YIPF4: variants seen among roughly 807,000 people sequenced by gnomAD.
YIPF4 encodes the protein Yip1 domain family member 4, also known as protein YIPF4.
Under a neutral mutation model 29.4 loss-of-function variants are expected in YIPF4, and 18 were observed. That is an observed-to-expected ratio of 0.61 (90% CI 0.42 to 0.91). The LOEUF (loss-of-function observed/expected upper bound fraction) is 0.91. YIPF4 is among the 40% of genes least tolerant of loss of function. YIPF4 has a pLI of 0.00. For missense variants in YIPF4, 279 were observed against 282.7 expected, an observed-to-expected ratio of 0.99 and a Z score of 0.09; for synonymous variants, 115 against 104.7, an observed-to-expected ratio of 1.10 and a Z score of -0.60.
intron 1 of YIPF4, among the ~76,000 whole-genome samples, chr2:32,281,594 A>G (rs1409174325): frequency 6.6e-6 from 1 of 152,102 alleles, no homozygotes; most frequent in African/African-American, 2.4e-5. Flanking sequence ...TGTATTCTAT[A>G]AAGAAACTGA....
chr2:32,283,437 C>A (rs767317969), intron 1 of YIPF4, among the ~76,000 whole-genome samples: 27 of 152,100 alleles, frequency 1.8e-4, no homozygotes, highest in Non-Finnish European at 3.2e-4. Context: ...ACTATTTCTC[C>A]ACACATACCC....
At position 32,306,222 on chromosome 2, in the gene YIPF4, T is replaced by C. The variant is rs1299094619; in HGVS notation, c.*596T>C. 2 of 906,986 alleles carry C rather than the reference T, an allele frequency of 2.2e-6. No individual in the cohort carries two copies. The highest frequency in any genetic ancestry group is 2.4e-4 in the East Asian group (2 of 8,424). The allele number at this position is 906,986 out of a possible 1,614,324, so 56.2% of individuals were successfully genotyped here. A position where few individuals can be genotyped will look rare whatever the true frequency, so the allele number is the denominator to read the frequency against. ...TATATAGTTTTTAAAATCTCACACATGCTTCGATACTTCCTTGTTAAGAAT... is the reference window on the plus strand; with the variant it reads ...TATATAGTTTTTAAAATCTCACACACGCTTCGATACTTCCTTGTTAAGAAT... On this transcript the variant is annotated 3_prime_UTR_variant, in exon 6 of 6. Transcript: ENST00000238831.
At chr2:32,284,793 A>T (rs2030584534) in intron 1 of YIPF4, among the ~76,000 whole-genome samples, 2 of 152,214 alleles carry the variant, frequency 1.3e-5, no homozygotes, top group Admixed American at 6.5e-5. Flanking sequence ...AAGGTCCCTG[A>T]GACAAACAGA....
chr2:32,291,116 A>C (rs181127289), intron 2 of YIPF4, among the ~76,000 whole-genome samples: 73 of 152,380 alleles, frequency 4.8e-4, no homozygotes, highest in Non-Finnish European at 8.8e-4. Flanking sequence ...GAAAAAAGTA[A>C]AGAAATAAAT....
At chr2:32,291,533 G>C (rs779245859) in intron 2 of YIPF4, among the ~76,000 whole-genome samples, 10 of 152,160 alleles carry the variant, frequency 6.6e-5, no homozygotes, top group Non-Finnish European at 1.3e-4. Flanking sequence ...GAAAAAGCAA[G>C]ACTCTTGTCT....
intron 3 of YIPF4, among the ~76,000 whole-genome samples, chr2:32,296,044 A>C (rs1471573958): frequency 6.6e-6 from 1 of 152,226 alleles, no homozygotes; most frequent in African/African-American, 2.4e-5. Context: ...AGTTTATATC[A>C]GATGTTATGT....
rs1231615178 is a variant in YIPF4 at position 32,278,188 on chromosome 2, C to T, written c.33C>T (p.Ala11=). The change falls in exon 1 of 6, where the codon GCC becomes GCT. Residue 11 remains alanine (A), a synonymous_variant. Coordinates refer to ENST00000238831, the MANE Select transcript of YIPF4 (RefSeq NM_032312.4). The part of the protein sequence containing the change: MQPPGPPPAY[A]PTNGDFTFVS... The stretch of plus-strand genomic sequence containing the variant: ...CTCCGGGCCCGCCCCCGGCCTATGC[C>T]CCCACTAACGGGGACTTCACCTTTG... 1.3e-6 allele frequency: 2 copies of T among 1,573,624 alleles called. No individual in the cohort carries two copies. The highest frequency in any genetic ancestry group is 1.4e-5 in the African/African-American group (1 of 73,208).
chr2:32,300,139 G>A (rs1278533446), intron 4 of YIPF4, among the ~76,000 whole-genome samples: 1 of 152,202 alleles, frequency 6.6e-6, no homozygotes, highest in Non-Finnish European at 1.5e-5. Context: ...GGTGGCACAT[G>A]CCTGCAATCC....
At chr2:32,305,447 T>G in intron 5 of YIPF4, 42 bp from the exon 6 acceptor site, 1 of 1,432,036 alleles carries the variant, frequency 7.0e-7, no homozygotes, top group Non-Finnish European at 9.2e-7. Context: ...GTTAATTGAC[T>G]TGCTAATATG....
chr2:32,301,342 G>C (rs760108145), intron 4 of YIPF4, 40 bp from the exon 5 acceptor site: 2 of 1,280,462 alleles, frequency 1.6e-6, no homozygotes, highest in East Asian at 4.6e-5. Flanking sequence ...TGAGTATCTT[G>C]ATTTCAATGA....
intron 1 of YIPF4, among the ~76,000 whole-genome samples, chr2:32,284,985 A>G (rs1276620760): frequency 6.6e-6 from 1 of 152,130 alleles, no homozygotes; most frequent in African/African-American, 2.4e-5. Flanking sequence ...AAATATTTGC[A>G]TCTTAGAAAG....
chr2:32,315,075 A>G lies in YIPF4; in HGVS notation c.*9449A>G, dbSNP rs978899148. ...TGGCAGTTTAACAGTGTTATTAAGA[A>G]CTCAAGGTCCATTTATTGCTCTATT... On this transcript the variant is annotated 3_prime_UTR_variant, in exon 6 of 6. Coordinates refer to ENST00000238831, the MANE Select transcript of YIPF4 (RefSeq NM_032312.4). 2 of 152,152 alleles carry G rather than the reference A, an allele frequency of 1.3e-5. No individual in the cohort carries two copies. The highest frequency in any genetic ancestry group is 4.8e-5 in the African/African-American group (2 of 41,438). 9.4% of individuals were successfully genotyped at this position (152,152 alleles called of 1,614,324 possible).
At position 32,305,781 on chromosome 2, in the gene YIPF4, G is replaced by C. The variant is rs539331562; in HGVS notation, c.*155G>C. The C allele has an allele frequency of 8.1e-7, 1 of 1,239,566 alleles. No individual in the cohort carries two copies. Among genetic ancestry groups the C allele is most frequent in the African/African-American group, 1.6e-5 (1 of 64,450 alleles). The allele number at this position is 1,239,566 out of a possible 1,614,324, so 76.8% of individuals were successfully genotyped here. ...GCGCTTTTTAAAACAATTTTTTTTT[G>C]TATTTAATTAAGCAATTGCAGTTAT... On this transcript the variant is annotated 3_prime_UTR_variant, in exon 6 of 6. Transcript: ENST00000238831.
intron 1 of YIPF4, among the ~76,000 whole-genome samples, chr2:32,289,467 T>C (rs1290717277): frequency 6.6e-6 from 1 of 152,224 alleles, no homozygotes; most frequent in Non-Finnish European, 1.5e-5. Context: ...TCCAGAGAGG[T>C]ATCTATCTGT....
At chr2:32,284,194 C>T (rs1018056584) in intron 1 of YIPF4, among the ~76,000 whole-genome samples, 6 of 152,100 alleles carry the variant, frequency 3.9e-5, no homozygotes, top group African/African-American at 1.4e-4. Context: ...ATAGTCTCTC[C>T]TTTCATAGAT....
chr2:32,290,549 C>A lies in YIPF4; in HGVS notation c.146C>A (p.Ser49Tyr). ...CTTGGTGGAGATTTTATCAAAGAAT[C>A]TACAGCTACTACATTTCTGAGACAA... ...LNLGGDFIKESTATTFLRQRG... is the reference protein window; with the variant it reads ...LNLGGDFIKEYTATTFLRQRG... Residue 49 changes from serine (S) to tyrosine (Y), a missense_variant, in exon 2 of 6, where the codon TCT becomes TAT. Ser to Tyr is a moderately radical substitution (Grantham distance 144). Coordinates refer to ENST00000238831, the MANE Select transcript of YIPF4 (RefSeq NM_032312.4). 3 of 1,589,428 alleles carry A rather than the reference C, an allele frequency of 1.9e-6. No homozygotes were observed. The highest frequency in any genetic ancestry group is 2.6e-6 in the Non-Finnish European group (3 of 1,168,300).
chr2:32,280,498 C>T (rs1335513185), intron 1 of YIPF4, among the ~76,000 whole-genome samples: 2 of 151,674 alleles, frequency 1.3e-5, no homozygotes, highest in African/African-American at 4.8e-5. Flanking sequence ...TCTGCCTCAG[C>T]CTCCCGAGTA....
intron 1 of YIPF4, among the ~76,000 whole-genome samples, chr2:32,285,713 T>C (rs926458238): frequency 6.6e-6 from 1 of 150,924 alleles, no homozygotes; most frequent in Admixed American, 6.6e-5. Context: ...TAGAGTGCAG[T>C]GGTGCGATCT....
intron 5 of YIPF4, among the ~76,000 whole-genome samples, chr2:32,302,177 C>T (rs996051995): frequency 7.3e-5 from 11 of 151,598 alleles, no homozygotes; most frequent in Non-Finnish European, 4.4e-5. Context: ...ACTACAGGTG[C>T]GCACCACCAC....
Sources: allele counts gnomAD v4.1 joint callset (sites outside exome capture counted in the v4.1 genomes callset), GRCh38; gene constraint gnomAD v4.1.1; transcripts MANE v1.5; gene names NCBI Gene and HGNC (gene_info 2026-07-23, HGNC 2026-07-21).